Variants in ACVRL1 observed in about 807,000 individuals in gnomAD.
ACVRL1 encodes activin A receptor like type 1.
Under a neutral mutation model 51.9 loss-of-function variants are expected in ACVRL1, and 20 were observed. The ratio of observed to expected loss-of-function variants is 0.39; its 90% CI spans 0.27 to 0.56. The LOEUF is 0.56. Ranked by LOEUF, ACVRL1 falls within the 20% of genes least tolerant of loss-of-function variation. ACVRL1 has a pLI of 0.67. For missense variants in ACVRL1, 451 were observed against 670.3 expected, an observed-to-expected ratio of 0.67 and a Z score of 3.61; for synonymous variants, 288 against 280.9, an observed-to-expected ratio of 1.03 and a Z score of -0.25.
At position 51,920,749 on chromosome 12, in the gene ACVRL1, C is replaced by T; in HGVS notation, c.1378-10C>T. ...CCTCCTCTCCTCTGCACCTCTCTCCCAACCCCCAGGTCCTCTCAGGCCTAG... is the reference window on the plus strand; with the variant it reads ...CCTCCTCTCCTCTGCACCTCTCTCCTAACCCCCAGGTCCTCTCAGGCCTAG... On this transcript the variant is annotated splice_polypyrimidine_tract_variant and intron_variant, in intron 9 of 9. Transcript: ENST00000388922. 1 of 1,613,546 alleles carries T rather than the reference C, an allele frequency of 6.2e-7. No individual in the cohort carries two copies. Among genetic ancestry groups the T allele is most frequent in the East Asian group, 2.2e-5 (1 of 44,884 alleles).
intron 8 of ACVRL1, among the ~76,000 whole-genome samples, chr12:51,918,745 G>C (rs1940901015): frequency 6.6e-6 from 1 of 152,218 alleles, no homozygotes; most frequent in African/African-American, 2.4e-5. Flanking sequence ...AGGACAAACA[G>C]GATAAAGCAT....
At chr12:51,912,993 T>A in intron 2 of ACVRL1, 106 bp from the exon 3 acceptor site, 1 of 1,474,908 alleles carries the variant, frequency 6.8e-7, no homozygotes, top group South Asian at 1.2e-5. Context: ...CTTCAAGGTG[T>A]TTGTCTGAGG....
rs1940856817 is a variant in ACVRL1, at chr12:51,917,030, G to A, written c.1246+797G>A. Among the ~76,000 whole-genome samples the A allele has an allele frequency of 6.6e-6, 1 of 152,208 alleles. No homozygotes were observed. The highest frequency in any genetic ancestry group is 2.1e-4 in the South Asian group (1 of 4,834). On this transcript the variant is annotated intron_variant, in intron 8 of 9. Transcript: ENST00000388922. The surrounding 1 kb of genome is among the most constrained non-coding windows in gnomAD (Gnocchi z 4.2). ...AAAATGAGAATAAAAATAGCTTCCAGTTGTTGAGATAATCTAAGTATTTAG... is the reference window on the plus strand; with the variant it reads ...AAAATGAGAATAAAAATAGCTTCCAATTGTTGAGATAATCTAAGTATTTAG...
chr12:51,915,126 A>AG, intron 6 of ACVRL1, 99 bp from the exon 7 acceptor site: 1 of 1,298,008 alleles, frequency 7.7e-7, no homozygotes, highest in Admixed American at 1.8e-5. Context: ...GCAGTGACCC[A>AG]GTCCATTCCC....
At chr12:51,914,638 A>G (rs1940787428) in intron 6 of ACVRL1, 53 bp downstream of exon 6, 2 of 1,573,450 alleles carry the variant, frequency 1.3e-6, no homozygotes, top group Non-Finnish European at 8.6e-7. Context: ...CCCTGCACTC[A>G]GGGCTCAAGT....
chr12:51,908,162 C>G (rs914735799), intron 1 of ACVRL1, among the ~76,000 whole-genome samples: 13 of 152,200 alleles, frequency 8.5e-5, no homozygotes, highest in Non-Finnish European at 1.3e-4. Context: ...CACTATCACT[C>G]CAACCTAGGA....
At position 51,921,434 on chromosome 12, in the gene ACVRL1, T is replaced by C. The variant is rs967750656; in HGVS notation, c.*541T>C. On this transcript the variant is annotated 3_prime_UTR_variant, in exon 10 of 10. Transcript: ENST00000388922. ...CTCAGCTCCATGATGCCTTGGGCTT[T>C]CTGTCTCCTCAACAAGAGTGCAGCT... is the stretch of plus-strand genomic sequence containing the variant. 2 of 188,284 alleles carry C rather than the reference T, an allele frequency of 1.1e-5. No individual in the cohort carries two copies. Among genetic ancestry groups the C allele is most frequent in the Non-Finnish European group, 2.2e-5 (2 of 88,924 alleles). 11.7% of individuals were successfully genotyped at this position (188,284 alleles called of 1,614,324 possible). A position where few individuals can be genotyped will look rare whatever the true frequency, so the allele number is the denominator to read the frequency against.
intron 9 of ACVRL1, 27 bp from the exon 10 acceptor site, chr12:51,920,732 C>T: frequency 6.2e-7 from 1 of 1,612,548 alleles, no homozygotes; most frequent in South Asian, 1.1e-5. Context: ...TGCCTCCTCT[C>T]CTCTGCACCT....
rs1940708010 is a variant in ACVRL1 at position 51,912,327 on chromosome 12, C to T, written c.-5-143C>T. ...TTCCCCTGCAGGCCCCGCCCCAAAG[C>T]CAGGCGGCAGGGAGTAGGGAGGCGG... On this transcript the variant is annotated intron_variant, in intron 1 of 9. Coordinates refer to ENST00000388922, the MANE Select transcript of ACVRL1 (RefSeq NM_000020.3). The T allele has an allele frequency of 4.2e-5, 37 of 874,502 alleles. 1 individual carries two copies. In the South Asian group the frequency reaches 5.1e-4, roughly 12 times the overall value. The allele number at this position is 874,502 out of a possible 1,614,324, so 54.2% of individuals were successfully genotyped here.
chr12:51,919,442 C>T lies in ACVRL1; in HGVS notation c.1377+327C>T, dbSNP rs981135935. On this transcript the variant is annotated intron_variant, in intron 9 of 9. Transcript: ENST00000388922. ...GTTTTGTTTGCTCTTGTCACCCAGGCTGGGGTGCAGTGGCACAGTCATAGC... is the reference window on the plus strand; with the variant it reads ...GTTTTGTTTGCTCTTGTCACCCAGGTTGGGGTGCAGTGGCACAGTCATAGC... 2.0e-5 allele frequency: 8 copies of T among 402,242 alleles called. No homozygotes were observed. In the Admixed American group the frequency reaches 2.9e-4, roughly 15 times the overall value. 24.9% of individuals were successfully genotyped at this position (402,242 alleles called of 1,614,324 possible).
In ACVRL1 at chr12:51,922,345, C is replaced by T. The variant is rs1941001252; in HGVS notation, c.*1452C>T. 1 of 152,256 alleles carries T rather than the reference C, an allele frequency of 6.6e-6. No homozygotes were observed. Among genetic ancestry groups the T allele is most frequent in the Non-Finnish European group, 1.5e-5 (1 of 68,078 alleles). 9.4% of individuals were successfully genotyped at this position (152,256 alleles called of 1,614,324 possible). On this transcript the variant is annotated 3_prime_UTR_variant, in exon 10 of 10. Transcript: ENST00000388922. ...TTTGACCACAAGCCAGCCCCTCGCCCTCTCTGTGGCATAGTCTTCTCTGCC... is the reference window on the plus strand; with the variant it reads ...TTTGACCACAAGCCAGCCCCTCGCCTTCTCTGTGGCATAGTCTTCTCTGCC...
Position 51,913,245 on chromosome 12 carries a change from G to C in ACVRL1, c.208G>C (p.Gly70Arg). ...GRHPQEHRGC[G>R]NLHRELCRGR... ...GCACCCCCAGGAACATCGGGGCTGC[G>C]GGAACTTGCACAGGGAGCTCTGCAG... The change falls in exon 3 of 10, where the codon GGG (glycine) becomes CGG (arginine). Residue 70 changes from glycine to arginine, a missense_variant. Around this residue, in one of 2 missense-constraint regions of ACVRL1, gnomAD observed 192 missense variants for 216.9 expected, o/e 0.89. Transcript: ENST00000388922. 1 of 1,592,200 alleles carries C rather than the reference G, an allele frequency of 6.3e-7. No homozygotes were observed.
chr12:51,916,347 A>G (rs1435106862), intron 8 of ACVRL1, 114 bp downstream of exon 8: 1 of 1,148,502 alleles, frequency 8.7e-7, no homozygotes, highest in Non-Finnish European at 1.2e-6. Flanking sequence ...ACCTCCTGGC[A>G]CCCCTTCCAT....
chr12:51,918,972 T>G lies in ACVRL1; in HGVS notation c.1247-13T>G, dbSNP rs770273315. The G allele has an allele frequency of 2.3e-5, 37 of 1,614,092 alleles. No homozygotes were observed. The highest frequency in any genetic ancestry group is 3.3e-5 in the Admixed American group (2 of 60,008). On this transcript the variant is annotated splice_polypyrimidine_tract_variant and intron_variant, in intron 8 of 9. Transcript: ENST00000388922. The stretch of plus-strand genomic sequence containing the variant: ...AGTCCCAAGTGATTGTCCTGTCCAT[T>G]CTCCATTTCCAGGCATCGTGGAGGA...
rs1277086625 is a variant in ACVRL1 at position 51,912,548 on chromosome 12, G to A, written c.61+13G>A. ...TTGGTGACCCAGGGTGAGTACTGGG[G>A]GAGCAGTTAGGAAACAGGAACCTGG... On this transcript the variant is annotated intron_variant, in intron 2 of 9. Coordinates refer to ENST00000388922, the MANE Select transcript of ACVRL1 (RefSeq NM_000020.3). 5 of 1,596,154 alleles carry A rather than the reference G, an allele frequency of 3.1e-6. No individual in the cohort carries two copies. The highest frequency in any genetic ancestry group is 4.3e-6 in the Non-Finnish European group (5 of 1,163,736).
At chr12:51,919,383 G>C (rs1940917201) in intron 9 of ACVRL1, 1 of 490,312 alleles carries the variant, frequency 2.0e-6, no homozygotes, top group South Asian at 2.1e-5. Context: ...GTGTGTGTGT[G>C]TGTGTGTGTG....
rs1292893440 is a variant in ACVRL1 at position 51,913,936 on chromosome 12, G to A, written c.526-38G>A. 1.9e-6 allele frequency: 3 copies of A among 1,605,504 alleles called. No individual in the cohort carries two copies. In the African/African-American group the frequency reaches 4.0e-5, roughly 21 times the overall value. ...AGGATAGAGAAGGGGGCTGTGGCTG[G>A]TTGTGGCAGCCTCTCAGTGGCCTCT... On this transcript the variant is annotated intron_variant, in intron 4 of 9. Coordinates refer to ENST00000388922, the MANE Select transcript of ACVRL1 (RefSeq NM_000020.3).
rs761135027 is a variant in ACVRL1, at chr12:51,913,391, G to T, written c.313+41G>T. On this transcript the variant is annotated intron_variant, in intron 3 of 9. Transcript: ENST00000388922. Reference sequence around the variant, plus strand: ...CTAGCACTCCCTCCCCATCTTCTTGGCCCCTGCCCTCCCTTCCCTCCTTTC... The same window carrying T: ...CTAGCACTCCCTCCCCATCTTCTTGTCCCCTGCCCTCCCTTCCCTCCTTTC... The T allele has an allele frequency of 5.1e-6, 8 of 1,564,438 alleles. No homozygotes were observed. In the African/African-American group the frequency reaches 1.1e-4, roughly 21 times the overall value.
chr12:51,913,161 A>C lies in ACVRL1; in HGVS notation c.124A>C (p.Lys42Gln), dbSNP rs1418659982. The C allele has an allele frequency of 6.2e-7, 1 of 1,605,192 alleles. No homozygotes were observed. Among genetic ancestry groups the C allele is most frequent in the South Asian group, 1.1e-5 (1 of 89,606 alleles). Reference sequence around the variant, plus strand: ...CTGCACGTGTGAGAGCCCACATTGCAAGGGGCCTACCTGCCGGGGGGCCTG... The same window carrying C: ...CTGCACGTGTGAGAGCCCACATTGCCAGGGGCCTACCTGCCGGGGGGCCTG... ...VTCTCESPHC[K>Q]GPTCRGAWCT... The change falls in exon 3 of 10, where the codon AAG becomes CAG. Residue 42 changes from lysine to glutamine, a missense_variant. By Grantham distance (53) the Lys-to-Gln change is moderately conservative. Around this residue, in one of 2 missense-constraint regions of ACVRL1, gnomAD observed 192 missense variants for 216.9 expected, o/e 0.89. Transcript: ENST00000388922.
Sources: allele counts gnomAD v4.1 joint callset (sites outside exome capture counted in the v4.1 genomes callset), GRCh38; gene constraint gnomAD v4.1.1; regional missense constraint gnomAD v4.1.1; non-coding constraint Gnocchi (gnomAD v3.1); transcripts MANE v1.5; gene names NCBI Gene and HGNC (gene_info 2026-07-23, HGNC 2026-07-21).